TRPM3: variants seen among roughly 807,000 people sequenced by gnomAD.
TRPM3 encodes long transient receptor potential channel 3.
TRPM3 carries 77 observed loss-of-function variants against 181.2 expected under a neutral mutation model. The ratio of observed to expected loss-of-function variants is 0.42; its 90% CI spans 0.35 to 0.51. The LOEUF is 0.51. TRPM3 is among the 20% of genes least tolerant of loss of function. The pLI is 0.01. For missense variants in TRPM3, 1,759 were observed against 2,196.7 expected (o/e 0.80, Z 3.98); for synonymous variants, 745 against 796.4 (o/e 0.94, Z 1.09).
At chr9:71,051,715 T>G (rs1261836170) in intron 1 of TRPM3, among the ~76,000 whole-genome samples, 2 of 152,180 alleles carry the variant, frequency 1.3e-5, no homozygotes, top group Admixed American at 1.3e-4. Context: ...GAACGTAGTT[T>G]TGGTGTTCAT....
chr9:70,793,752 T>G, intron 6 of TRPM3: 1 of 429,136 alleles, frequency 2.3e-6, no homozygotes. Context: ...AACTTGCAAT[T>G]TTTCAACTTT....
In TRPM3 at chr9:70,532,463, A is replaced by G. The variant is rs2041016168; in HGVS notation, c.*3490T>C. 1 of 152,206 alleles carries G rather than the reference A, an allele frequency of 6.6e-6. No homozygotes were observed. Among genetic ancestry groups the G allele is most frequent in the African/African-American group, 2.4e-5 (1 of 41,452 alleles). 9.4% of individuals were successfully genotyped at this position (152,206 alleles called of 1,614,324 possible). ...AAAATCCAGTTCTGTAAAGTGCTGT[A>G]TTCTGACTGCTAATACACCTTTTGG... On this transcript the variant is annotated 3_prime_UTR_variant, in exon 26 of 26. Transcript: ENST00000677713.
intron 9 of TRPM3, among the ~76,000 whole-genome samples, chr9:70,670,763 A>G (rs1425129555): frequency 2.6e-5 from 4 of 152,174 alleles, no homozygotes; most frequent in African/African-American, 9.7e-5. Flanking sequence ...TTAAGTATTT[A>G]CCATAAAGAA....
chr9:70,899,736 T>C (rs1218205813), intron 1 of TRPM3, among the ~76,000 whole-genome samples: 1 of 152,232 alleles, frequency 6.6e-6, no homozygotes, highest in African/African-American at 2.4e-5. Flanking sequence ...TTTGCTTGTT[T>C]GAGAGTTGGT....
intron 1 of TRPM3, among the ~76,000 whole-genome samples, chr9:71,391,498 T>C: frequency 6.6e-6 from 1 of 152,034 alleles, no homozygotes; most frequent in East Asian, 1.9e-4. Context: ...TATTTATTCT[T>C]CATATGCCCA....
chr9:71,266,661 G>T (rs1333055113), intron 1 of TRPM3, among the ~76,000 whole-genome samples: 1 of 152,116 alleles, frequency 6.6e-6, no homozygotes, highest in Non-Finnish European at 1.5e-5. Flanking sequence ...AATTGCATGT[G>T]TATAATACAG....
chr9:71,350,225 C>T (rs1182355651), intron 1 of TRPM3, among the ~76,000 whole-genome samples: 1 of 152,066 alleles, frequency 6.6e-6, no homozygotes, highest in African/African-American at 2.4e-5. Flanking sequence ...AATTTATATA[C>T]TGTTTCAATT....
chr9:70,759,207 A>G (rs1340790366), intron 8 of TRPM3, among the ~76,000 whole-genome samples: 1 of 152,210 alleles, frequency 6.6e-6, no homozygotes, highest in Admixed American at 6.5e-5. Flanking sequence ...AAGACACTTA[A>G]CGCAGCTAAC....
chr9:71,062,508 C>A (rs918552834), intron 1 of TRPM3, among the ~76,000 whole-genome samples: 28 of 152,134 alleles, frequency 1.8e-4, no homozygotes, highest in Non-Finnish European at 7.4e-5. Context: ...ATGCCAACTT[C>A]ACTACAGCCA....
intron 16 of TRPM3, 46 bp downstream of exon 16, chr9:70,620,029 CT>C (rs1326337373): frequency 9.6e-6 from 15 of 1,556,214 alleles, no homozygotes; most frequent in Non-Finnish European, 1.3e-5. Context: ...GGGAGCCCAC[CT>C]TTCCTCCTCT....
At chr9:70,755,391 A>G (rs913735836) in intron 8 of TRPM3, among the ~76,000 whole-genome samples, 2 of 148,704 alleles carry the variant, frequency 1.3e-5, no homozygotes, top group Non-Finnish European at 3.0e-5. Context: ...TTTTTTGGAG[A>G]TGGAGTTTCG....
At chr9:70,595,251 C>A (rs2058801582) in intron 21 of TRPM3, among the ~76,000 whole-genome samples, 1 of 152,102 alleles carries the variant, frequency 6.6e-6, no homozygotes, top group Admixed American at 6.6e-5. Context: ...TTGTTTGGGT[C>A]TTTTCAGATT....
intron 1 of TRPM3, among the ~76,000 whole-genome samples, chr9:70,966,615 A>G (rs1309663093): frequency 1.3e-5 from 2 of 152,168 alleles, no homozygotes; most frequent in East Asian, 1.9e-4. Context: ...GCTGGAGGCC[A>G]TTATCCTTAG....
chr9:71,106,212 T>A (rs780347821), intron 1 of TRPM3, among the ~76,000 whole-genome samples: 10 of 152,198 alleles, frequency 6.6e-5, no homozygotes, highest in Non-Finnish European at 1.3e-4. Context: ...TGCTCAGTGA[T>A]ACGCCACTAT....
At chr9:70,969,208 A>C (rs1014967344) in intron 1 of TRPM3, among the ~76,000 whole-genome samples, 4 of 151,964 alleles carry the variant, frequency 2.6e-5, no homozygotes, top group African/African-American at 9.7e-5. Flanking sequence ...CTCACTCATA[A>C]ATGGGAGTTG....
chr9:71,420,812 A>AG (rs1491461678), intron 1 of TRPM3, among the ~76,000 whole-genome samples: 27 of 734 alleles, frequency 0.037, 6 homozygotes, highest in East Asian at 0.083. Flanking sequence ...AGAGAGAAAG[A>AG]AAGAGAGAAA....
At chr9:70,824,090 T>A (rs1386704401) in intron 6 of TRPM3, among the ~76,000 whole-genome samples, 1 of 152,230 alleles carries the variant, frequency 6.6e-6, no homozygotes, top group Non-Finnish European at 1.5e-5. Context: ...TGAACAGGAT[T>A]CATTTAATGT....
At chr9:71,127,019 C>A (rs1232618445) in intron 1 of TRPM3, among the ~76,000 whole-genome samples, 1 of 151,384 alleles carries the variant, frequency 6.6e-6, no homozygotes, top group Non-Finnish European at 1.5e-5. Flanking sequence ...CATGGGGGAT[C>A]TTGGGCCATT....
At chr9:70,821,586 A>C (rs1446966137) in intron 6 of TRPM3, among the ~76,000 whole-genome samples, 1 of 152,182 alleles carries the variant, frequency 6.6e-6, no homozygotes, top group Non-Finnish European at 1.5e-5. Context: ...ATAAATATTA[A>C]AAATTATTTA....
Sources: allele counts gnomAD v4.1 joint callset (sites outside exome capture counted in the v4.1 genomes callset), GRCh38; gene constraint gnomAD v4.1.1; transcripts MANE v1.5; gene names NCBI Gene and HGNC (gene_info 2026-07-23, HGNC 2026-07-21).